RARB: variants seen among roughly 807,000 people sequenced by gnomAD.
RARB encodes the protein HBV-activated protein.
A neutral mutation model predicts 51.9 loss-of-function variants in RARB; 17 were observed. The ratio of observed to expected loss-of-function variants is 0.33; its 90% CI spans 0.22 to 0.49. RARB has a LOEUF of 0.49. RARB is among the 20% of genes least tolerant of loss of function. The pLI is 0.99. For missense variants in RARB, 369 were observed against 550.8 expected, an observed-to-expected ratio of 0.67 and a Z score of 3.30; for synonymous variants, 215 against 195.4, an observed-to-expected ratio of 1.10 and a Z score of -0.84.
At chr3:25,303,381 T>C (rs1704084724) in intron 5 of RARB, among the ~76,000 whole-genome samples, 2 of 152,226 alleles carry the variant, frequency 1.3e-5, no homozygotes, top group Non-Finnish European at 2.9e-5. Context: ...TTCTGTTTAG[T>C]AATGACTGCA....
chr3:24,899,848 A>G (rs1703563342), intron 2 of RARB, among the ~76,000 whole-genome samples: 1 of 152,190 alleles, frequency 6.6e-6, no homozygotes, highest in East Asian at 1.9e-4. Context: ...TAATGGTTCC[A>G]TTATTTTGTT....
chr3:24,966,097 A>AT (rs1225973734), intron 2 of RARB, among the ~76,000 whole-genome samples: 1,455 of 85,558 alleles, frequency 0.017, 10 homozygotes, highest in Middle Eastern at 0.06. Context: ...TTATCTTTGA[A>AT]TTTTTTTTTT....
intron 5 of RARB, among the ~76,000 whole-genome samples, chr3:25,312,809 T>G (rs746956764): frequency 6.6e-6 from 1 of 152,214 alleles, no homozygotes; most frequent in South Asian, 2.1e-4. Context: ...CAGGAGGAAC[T>G]TGGGAGCAGC....
chr3:25,223,956 A>C (rs1702000837), intron 5 of RARB, among the ~76,000 whole-genome samples: 1 of 152,200 alleles, frequency 6.6e-6, no homozygotes, highest in Non-Finnish European at 1.5e-5. Flanking sequence ...AATATTTAAA[A>C]ATTTTTTGAG....
intron 5 of RARB, among the ~76,000 whole-genome samples, chr3:25,288,462 A>G (rs1251876609): frequency 6.6e-6 from 1 of 152,170 alleles, no homozygotes; most frequent in African/African-American, 2.4e-5. Flanking sequence ...TCTTTGGTGC[A>G]GAACGTTCTT....
chr3:25,491,744 C>A (rs1696749586), intron 2 of RARB, among the ~76,000 whole-genome samples: 1 of 152,126 alleles, frequency 6.6e-6, no homozygotes, highest in South Asian at 2.1e-4. Context: ...AGTTCAAGTC[C>A]ATCCTGGCCA....
chr3:25,209,250 C>A (rs1701635290), intron 5 of RARB, among the ~76,000 whole-genome samples: 1 of 152,168 alleles, frequency 6.6e-6, no homozygotes, highest in Admixed American at 6.5e-5. Context: ...ATCCCTGGGA[C>A]CAGAGGAAGT....
intron 2 of RARB, among the ~76,000 whole-genome samples, chr3:24,919,758 A>G (rs1695181200): frequency 6.6e-6 from 1 of 152,058 alleles, no homozygotes; most frequent in African/African-American, 2.4e-5. Flanking sequence ...TTCTAATTTT[A>G]TTTTTCTTCA....
intron 1 of RARB, among the ~76,000 whole-genome samples, chr3:25,445,491 C>A (rs1708889569): frequency 1.3e-5 from 2 of 152,086 alleles, no homozygotes; most frequent in South Asian, 2.1e-4. Flanking sequence ...ATGGTGAAAC[C>A]CTGTCTATAC....
At chr3:25,438,078 G>A (rs1708507276) in intron 1 of RARB, among the ~76,000 whole-genome samples, 1 of 152,150 alleles carries the variant, frequency 6.6e-6, no homozygotes, top group Non-Finnish European at 1.5e-5. Flanking sequence ...GCTAAATTGG[G>A]CTGGCAATCC....
At chr3:25,447,713 C>T (rs976397154) in intron 1 of RARB, among the ~76,000 whole-genome samples, 3 of 151,978 alleles carry the variant, frequency 2.0e-5, no homozygotes, top group African/African-American at 4.8e-5. Context: ...GGAAATCCTA[C>T]GAGGAATGAG....
At chr3:25,150,774 C>G (rs1559483960) in intron 4 of RARB, among the ~76,000 whole-genome samples, 1 of 152,108 alleles carries the variant, frequency 6.6e-6, no homozygotes, top group African/African-American at 2.4e-5. Flanking sequence ...CAAAAATAAT[C>G]AGAAACAAAG....
intron 5 of RARB, among the ~76,000 whole-genome samples, chr3:25,305,553 T>C (rs1704134724): frequency 6.6e-6 from 1 of 152,100 alleles, no homozygotes. Flanking sequence ...AAAGTTGTCT[T>C]GAGAAAATGA....
intron 2 of RARB, among the ~76,000 whole-genome samples, chr3:25,011,443 G>A (rs769451055): frequency 1.3e-5 from 2 of 152,060 alleles, no homozygotes; most frequent in African/African-American, 4.8e-5. Context: ...TAATGGTAAA[G>A]CCAAGTGTTG....
chr3:25,551,191 CA>C (rs1382684667), intron 3 of RARB, among the ~76,000 whole-genome samples: 1 of 152,054 alleles, frequency 6.6e-6, no homozygotes, highest in Non-Finnish European at 1.5e-5. Context: ...GTTACCTGAG[CA>C]GTTCACAAGG....
intron 1 of RARB, among the ~76,000 whole-genome samples, chr3:25,444,954 TTTC>T (rs748689827): frequency 2.6e-4 from 40 of 152,246 alleles, no homozygotes; most frequent in Non-Finnish European, 5.6e-4. Context: ...TCTTTTCTTT[TTTC>T]TTTTTTTTTG....
chr3:25,331,783 C>T (rs551046198), intron 5 of RARB, among the ~76,000 whole-genome samples: 1 of 151,992 alleles, frequency 6.6e-6, no homozygotes, highest in South Asian at 2.1e-4. Flanking sequence ...ACTAGCAGGA[C>T]TAATAAAGAA....
chr3:25,525,808 G>A (rs994944873), intron 3 of RARB, among the ~76,000 whole-genome samples: 21 of 152,152 alleles, frequency 1.4e-4, no homozygotes, highest in African/African-American at 4.6e-4. Flanking sequence ...AAGTGGTCAC[G>A]GATGGTCTGT....
At chr3:25,299,410 G>A (rs907002865) in intron 5 of RARB, among the ~76,000 whole-genome samples, 2 of 152,016 alleles carry the variant, frequency 1.3e-5, no homozygotes, top group Admixed American at 1.3e-4. Flanking sequence ...ATGTTGCCCA[G>A]GCTGGTCTCA....
Sources: gnomAD v4.1 joint callset for allele counts (sites outside exome capture counted in the v4.1 genomes callset) on GRCh38, gnomAD v4.1.1 for gene constraint, MANE v1.5 for transcripts, NCBI Gene and HGNC (gene_info 2026-07-23, HGNC 2026-07-21) for gene names.